SLIT2: variants seen among roughly 807,000 people sequenced by gnomAD.
The protein encoded by SLIT2 is slit homolog 2 protein.
SLIT2 carries 41 observed loss-of-function variants against 185.7 expected under a neutral mutation model. That is an observed-to-expected ratio of 0.22 (90% CI 0.17 to 0.29). The LOEUF is 0.29. SLIT2 is among the 10% of genes least tolerant of loss of function. The pLI is 1.00. For synonymous variants in SLIT2, 693 were observed against 680.2 expected (o/e 1.02, Z -0.29); for missense variants, 1,571 against 1,909.0 (o/e 0.82, Z 3.30).
At chr4:20,591,639 T>A (rs2148951371) in intron 30 of SLIT2, among the ~76,000 whole-genome samples, 1 of 151,818 alleles carries the variant, frequency 6.6e-6, no homozygotes, top group African/African-American at 2.4e-5. Context: ...CCAAACACTG[T>A]AGGTAAGTTG....
At chr4:20,500,161 A>G (rs1444009558) in intron 9 of SLIT2, among the ~76,000 whole-genome samples, 1 of 152,214 alleles carries the variant, frequency 6.6e-6, no homozygotes, top group African/African-American at 2.4e-5. Context: ...GTTAAATAAC[A>G]AGTAGGTTGG....
At position 20,610,703 on chromosome 4, in the gene SLIT2, G is replaced by A. The variant is rs1421292646; in HGVS notation, c.3847+536G>A. ...TATCACTGTAATCCAATGACTGACT[G>A]AATGAATGAATGAATGAACAAATTA... On this transcript the variant is annotated intron_variant, in intron 34 of 36. Transcript: ENST00000504154. Among the ~76,000 whole-genome samples the A allele has an allele frequency of 2.0e-5, 3 of 152,090 alleles. No individual in the cohort carries two copies. In the East Asian group the frequency reaches 5.8e-4, roughly 29 times the overall value.
chr4:20,252,120 G>GAGCGCCGGGGGCCCGCAGCC lies in SLIT2; in HGVS notation c.-1695_-1676dup. Among the ~76,000 whole-genome samples the GAGCGCCGGGGGCCCGCAGCC allele has an allele frequency of 6.6e-6, 1 of 152,030 alleles. No individual in the cohort carries two copies. Among genetic ancestry groups the GAGCGCCGGGGGCCCGCAGCC allele is most frequent in the Non-Finnish European group, 1.5e-5 (1 of 68,004 alleles). On this transcript the variant is annotated 5_prime_UTR_variant, in exon 1 of 37. Coordinates refer to ENST00000504154, the MANE Select transcript of SLIT2 (RefSeq NM_004787.4). The stretch of plus-strand genomic sequence containing the variant: ...CGGCGGGAGTGCTGAGCAGAAAGGG[G>GAGCGCCGGGGGCCCGCAGCC]AGCGCCGGGGGCCCGCAGCCGGCTC...
At chr4:20,549,220 T>G in intron 24 of SLIT2, 92 bp downstream of exon 24, 1 of 706,282 alleles carries the variant, frequency 1.4e-6, no homozygotes, top group Admixed American at 2.4e-5. Context: ...TGTTGATTCT[T>G]GGTGCTTGAA....
chr4:20,334,750 T>C (rs1720350964), intron 4 of SLIT2, among the ~76,000 whole-genome samples: 1 of 152,186 alleles, frequency 6.6e-6, no homozygotes, highest in Admixed American at 6.6e-5. Context: ...TTAGACTGTC[T>C]GGGTTTGAAT....
At chr4:20,347,370 C>G (rs1416658478) in intron 4 of SLIT2, among the ~76,000 whole-genome samples, 1 of 152,148 alleles carries the variant, frequency 6.6e-6, no homozygotes, top group Non-Finnish European at 1.5e-5. Context: ...ATTAAGAAGA[C>G]TGAATTCTTT....
At chr4:20,584,179 C>T (rs925503899) in intron 29 of SLIT2, among the ~76,000 whole-genome samples, 4 of 152,126 alleles carry the variant, frequency 2.6e-5, no homozygotes, top group Non-Finnish European at 5.9e-5. Flanking sequence ...ATTCCAGAGC[C>T]TCAGTTTACT....
chr4:20,581,742 T>TC (rs1491225841), intron 29 of SLIT2, among the ~76,000 whole-genome samples: 9 of 149,508 alleles, frequency 6.0e-5, no homozygotes, highest in Middle Eastern at 3.2e-3. Context: ...GAGTTCTCTC[T>TC]TTCTCTCTCT....
chr4:20,460,809 A>G (rs768150893), intron 4 of SLIT2, among the ~76,000 whole-genome samples: 1 of 152,206 alleles, frequency 6.6e-6, no homozygotes, highest in Non-Finnish European at 1.5e-5. Context: ...TCTCACTTGT[A>G]TGTGGAACCT....
At chr4:20,607,590 C>T (rs1468803721) in intron 33 of SLIT2, among the ~76,000 whole-genome samples, 1 of 152,096 alleles carries the variant, frequency 6.6e-6, no homozygotes, top group African/African-American at 2.4e-5. Context: ...GATGAAACTA[C>T]CTACCTCCAA....
intron 4 of SLIT2, among the ~76,000 whole-genome samples, chr4:20,431,997 C>CTG (rs1729025294): frequency 7.3e-6 from 1 of 136,414 alleles, no homozygotes; most frequent in Non-Finnish European, 1.7e-5. Flanking sequence ...AAATCTCTCA[C>CTG]TCTCTGTGTG....
At chr4:20,386,503 C>A (rs927930985) in intron 4 of SLIT2, among the ~76,000 whole-genome samples, 1 of 152,120 alleles carries the variant, frequency 6.6e-6, no homozygotes, top group Non-Finnish European at 1.5e-5. Context: ...TTATGAAGCC[C>A]TGCAAATTGA....
intron 34 of SLIT2, chr4:20,616,604 C>CCT: frequency 4.2e-6 from 1 of 236,732 alleles, no homozygotes; most frequent in East Asian, 8.6e-5. Flanking sequence ...AGTAGCTCTG[C>CCT]CTCTAGGTTT....
rs1241534558 is a variant in SLIT2, at chr4:20,258,728, C to T, written c.323+789C>T. ...TGTAATTGAAGTACGAATTGTATGT[C>T]TTACATGCCTTGATTATTCAGGTTT... On this transcript the variant is annotated intron_variant, in intron 3 of 36. Transcript: ENST00000504154. Among the ~76,000 whole-genome samples the T allele has an allele frequency of 9.2e-5, 14 of 151,722 alleles. No homozygotes were observed. In the East Asian group the frequency reaches 2.7e-3, roughly 29 times the overall value.
chr4:20,472,602 A>ATATATC (rs1491249447), intron 5 of SLIT2, among the ~76,000 whole-genome samples: 503 of 14,746 alleles, frequency 0.034, 175 homozygotes, highest in African/African-American at 0.046. Flanking sequence ...ATATATCTAT[A>ATATATC]GATATATCTA....
intron 4 of SLIT2, among the ~76,000 whole-genome samples, chr4:20,311,517 G>A (rs777591341): frequency 1.5e-4 from 23 of 152,060 alleles, no homozygotes; most frequent in Non-Finnish European, 3.1e-4. Flanking sequence ...AATATAGATT[G>A]TTATGGAAAT....
intron 4 of SLIT2, among the ~76,000 whole-genome samples, chr4:20,366,452 A>C (rs1162597275): frequency 2.0e-5 from 3 of 152,158 alleles, no homozygotes; most frequent in African/African-American, 7.2e-5. Flanking sequence ...GGAGAATAGA[A>C]TAGTAAGATT....
At chr4:20,345,676 C>G (rs1391920142) in intron 4 of SLIT2, among the ~76,000 whole-genome samples, 1 of 135,002 alleles carries the variant, frequency 7.4e-6, no homozygotes, top group Non-Finnish European at 1.6e-5. Flanking sequence ...GCTGGGACTA[C>G]AGGCACACAC....
chr4:20,596,296 A>C, intron 31 of SLIT2, 119 bp from the exon 32 acceptor site: 3 of 966,924 alleles, frequency 3.1e-6, no homozygotes, highest in Non-Finnish European at 4.6e-6. Context: ...AATACTTGAA[A>C]ACTGGAAAAA....
Sources: allele counts gnomAD v4.1 joint callset (sites outside exome capture counted in the v4.1 genomes callset), GRCh38; gene constraint gnomAD v4.1.1; transcripts MANE v1.5; gene names NCBI Gene and HGNC (gene_info 2026-07-23, HGNC 2026-07-21).